The following PDS5A variants were observed in gnomAD, a reference collection of about 807,000 sequenced individuals.
The protein encoded by PDS5A is PDS5 cohesin associated factor A.
A neutral mutation model predicts 167.1 loss-of-function variants in PDS5A; 42 were observed. The observed-to-expected ratio is 0.25, with a 90% CI of 0.20 to 0.33. The LOEUF (loss-of-function observed/expected upper bound fraction) is 0.33, where lower values mean the gene tolerates loss of function less well. PDS5A is among the 10% of genes least tolerant of loss of function. The pLI is 1.00. For synonymous variants in PDS5A, 553 were observed against 554.6 expected (o/e 1.00, Z 0.04); for missense variants, 1,033 against 1,605.9 (o/e 0.64, Z 6.10).
At chr4:39,842,845 T>C (rs958302848) in intron 30 of PDS5A, among the ~76,000 whole-genome samples, 2 of 147,358 alleles carry the variant, frequency 1.4e-5, no homozygotes, top group African/African-American at 5.0e-5. Context: ...CTTAACATGT[T>C]AAAATAAACA....
Position 39,825,234 on chromosome 4 carries a change from A to G in PDS5A, c.*251T>C, listed in dbSNP as rs1715184323. 3 of 384,306 alleles carry G rather than the reference A, an allele frequency of 7.8e-6. No individual in the cohort carries two copies. Among genetic ancestry groups the G allele is most frequent in the Non-Finnish European group, 9.3e-6 (2 of 215,944 alleles). The allele number at this position is 384,306 out of a possible 1,614,324, so 23.8% of individuals were successfully genotyped here. On this transcript the variant is annotated 3_prime_UTR_variant, in exon 33 of 33. Coordinates refer to ENST00000303538, the MANE Select transcript of PDS5A (RefSeq NM_001100399.2). The stretch of plus-strand genomic sequence containing the variant: ...GCTTAATTATTGACTTTTCGTAAGA[A>G]AAGTCTAGGGGAAGGGGGAGAACAG...
chr4:39,965,239 CTA>C (rs1729868713), intron 2 of PDS5A, among the ~76,000 whole-genome samples: 2 of 152,188 alleles, frequency 1.3e-5, no homozygotes, highest in South Asian at 2.1e-4. Context: ...GCTAGAAAGA[CTA>C]TGTGGAAAAC....
intron 19 of PDS5A, among the ~76,000 whole-genome samples, chr4:39,875,820 A>G (rs1451010847): frequency 1.3e-5 from 2 of 152,176 alleles, no homozygotes; most frequent in Non-Finnish European, 2.9e-5. Flanking sequence ...AACACTGGTG[A>G]ATGACAAAGG....
chr4:39,844,606 TAAAC>T lies in PDS5A; in HGVS notation c.3548+46_3548+49del, dbSNP rs746628815. On this transcript the variant is annotated intron_variant, in intron 30 of 32. Transcript: ENST00000303538. ...GAGACAGCACTTTAGGAATAAAAGATAAACCAAGTAGTGAGTGCTAGTAACAAAA... is the reference window on the plus strand; with the variant it reads ...GAGACAGCACTTTAGGAATAAAAGATCAAGTAGTGAGTGCTAGTAACAAAA... 1,803 of 1,473,478 alleles carry T rather than the reference TAAAC, an allele frequency of 1.2e-3. 2 individuals are homozygous for T. Among genetic ancestry groups the T allele is most frequent in the South Asian group, 1.5e-3 (116 of 78,170 alleles). 91.3% of individuals were successfully genotyped at this position (1,473,478 alleles called of 1,614,324 possible).
chr4:39,830,843 T>C (rs1715795545), intron 32 of PDS5A, among the ~76,000 whole-genome samples: 1 of 152,254 alleles, frequency 6.6e-6, no homozygotes, highest in South Asian at 2.1e-4. Context: ...AATCCTAAAA[T>C]GCAAGGATTT....
intron 17 of PDS5A, among the ~76,000 whole-genome samples, chr4:39,881,701 AC>A (rs1312073475): frequency 1.3e-5 from 2 of 151,934 alleles, no homozygotes; most frequent in Admixed American, 6.6e-5. Flanking sequence ...ATTCACCATT[AC>A]TCCCTCCAGC....
At chr4:39,869,559 A>G in intron 21 of PDS5A, 97 bp from the exon 22 acceptor site, 1 of 755,644 alleles carries the variant, frequency 1.3e-6, no homozygotes, top group South Asian at 1.5e-5. Flanking sequence ...AGCCTCTGAG[A>G]AACCTACGGG....
intron 15 of PDS5A, 31 bp from the exon 16 acceptor site, chr4:39,898,559 G>GA: frequency 7.7e-7 from 1 of 1,294,318 alleles, no homozygotes; most frequent in South Asian, 1.6e-5. Flanking sequence ...CAATATTAGA[G>GA]AAGGAAAAAA....
At chr4:39,871,655 TAAC>T (rs1230063543) in intron 21 of PDS5A, among the ~76,000 whole-genome samples, 1 of 152,210 alleles carries the variant, frequency 6.6e-6, no homozygotes, top group Non-Finnish European at 1.5e-5. Flanking sequence ...CTTTATTCAA[TAAC>T]AACAGATTTA....
intron 2 of PDS5A, among the ~76,000 whole-genome samples, chr4:39,942,295 T>C (rs1727295557): frequency 6.6e-6 from 1 of 152,184 alleles, no homozygotes; most frequent in African/African-American, 2.4e-5. Flanking sequence ...CTTGAGCCTC[T>C]TTACAGCTTT....
chr4:39,831,813 T>A (rs902042781), intron 32 of PDS5A, among the ~76,000 whole-genome samples: 1 of 116,112 alleles, frequency 8.6e-6, no homozygotes, highest in African/African-American at 3.3e-5. Context: ...AAGGCGGAGG[T>A]TGCGGTGAGC....
intron 10 of PDS5A, chr4:39,908,811 C>T: frequency 2.7e-6 from 1 of 369,034 alleles, no homozygotes; most frequent in South Asian, 3.5e-5. Flanking sequence ...GCAGGTCGCA[C>T]AAGCTCAAGA....
chr4:39,959,556 G>A (rs545401604), intron 2 of PDS5A, among the ~76,000 whole-genome samples: 12 of 152,088 alleles, frequency 7.9e-5, no homozygotes, highest in African/African-American at 2.9e-4. Flanking sequence ...AAAGCTGGTA[G>A]CAAACTCTCG....
At chr4:39,869,262 G>A in intron 22 of PDS5A, 132 bp downstream of exon 22, 1 of 673,976 alleles carries the variant, frequency 1.5e-6, no homozygotes, top group South Asian at 1.8e-5. Flanking sequence ...GCTGAGCCCA[G>A]GAGTTCAAGA....
At chr4:39,957,268 G>T (rs1395328636) in intron 2 of PDS5A, among the ~76,000 whole-genome samples, 1 of 152,022 alleles carries the variant, frequency 6.6e-6, no homozygotes, top group Non-Finnish European at 1.5e-5. Flanking sequence ...CAGCGTGGGG[G>T]CTCACACCAC....
intron 2 of PDS5A, among the ~76,000 whole-genome samples, chr4:39,955,497 G>A (rs972995686): frequency 6.6e-6 from 1 of 152,050 alleles, no homozygotes; most frequent in African/African-American, 2.4e-5. Flanking sequence ...CAGCTTGGGA[G>A]GCTGAGGTGG....
At chr4:39,874,677 C>T (rs1212588107) in intron 19 of PDS5A, among the ~76,000 whole-genome samples, 1 of 152,106 alleles carries the variant, frequency 6.6e-6, no homozygotes, top group Non-Finnish European at 1.5e-5. Flanking sequence ...TAACAAGCAA[C>T]CCTTAATTCA....
chr4:39,892,396 A>G (rs1364725282), intron 16 of PDS5A, among the ~76,000 whole-genome samples: 1 of 152,222 alleles, frequency 6.6e-6, no homozygotes, highest in Non-Finnish European at 1.5e-5. Flanking sequence ...CTTCTTCCCT[A>G]AAGCATCTCC....
At chr4:39,941,769 C>T (rs1727245215) in intron 2 of PDS5A, among the ~76,000 whole-genome samples, 1 of 152,056 alleles carries the variant, frequency 6.6e-6, no homozygotes, top group South Asian at 2.1e-4. Context: ...TTTAAGAAAA[C>T]CTCACAGGCA....
Sources: allele counts gnomAD v4.1 joint callset (sites outside exome capture counted in the v4.1 genomes callset), GRCh38; gene constraint gnomAD v4.1.1; transcripts MANE v1.5; gene names NCBI Gene and HGNC (gene_info 2026-07-23, HGNC 2026-07-21).